The following PRKN variants were observed in gnomAD, a reference collection of about 807,000 sequenced individuals.
PRKN encodes E3 ubiquitin-protein ligase parkin.
A neutral mutation model predicts 59.5 loss-of-function variants in PRKN; 56 were observed. That is an observed-to-expected ratio of 0.94 (90% CI 0.76 to 1.18). PRKN has a LOEUF of 1.18. Ranked by LOEUF, PRKN falls within the 50% of genes most tolerant of loss-of-function variation. The probability of loss-of-function intolerance (pLI) is 0.00; values close to 1 mark genes in which losing one functional copy is unlikely to be tolerated. For missense variants in PRKN, 657 were observed against 596.4 expected, an observed-to-expected ratio of 1.10 and a Z score of -1.06; for synonymous variants, 250 against 222.1, an observed-to-expected ratio of 1.13 and a Z score of -1.12.
chr6:161,871,418 T>C (rs9365333), intron 6 of PRKN, among the ~76,000 whole-genome samples: 47,313 of 152,004 alleles, frequency 0.31, 7,517 homozygotes, highest in East Asian at 0.38. Flanking sequence ...GTGTTACTAT[T>C]GCCTCAGCCA....
In PRKN at chr6:161,372,374, G is replaced by T. The variant is rs180890692; in HGVS notation, c.1168-12169C>A. Among the ~76,000 whole-genome samples the T allele has an allele frequency of 5.1e-4, 77 of 152,300 alleles. 1 individual carries two copies. The highest frequency in any genetic ancestry group is 1.7e-3 in the African/African-American group (70 of 41,568). ...TCATCACTAATAGGATGTGAGAGGG[G>T]TCAAAGCCGACCACAGAGCCTACCT... is the stretch of plus-strand genomic sequence containing the variant. On this transcript the variant is annotated intron_variant, in intron 10 of 11. Transcript: ENST00000366898. This position sits in a 1 kb window ranked among gnomAD's most constrained non-coding sequence, Gnocchi z 4.2.
rs11392809 is a variant in PRKN at position 162,285,266 on chromosome 6, ATTTTTT to A, written c.172-22507_172-22502del. 3.4e-3 allele frequency among the ~76,000 whole-genome samples: 326 copies of A among 95,926 alleles called. 2 individuals carry two copies. The highest frequency in any genetic ancestry group is 0.012 in the African/African-American group (311 of 24,948). The allele number at this position is 95,926 out of a possible 152,430, so 62.9% of individuals were successfully genotyped here. A position where few individuals can be genotyped will look rare whatever the true frequency, so the allele number is the denominator to read the frequency against. ...AGGGATCTTCACAGATATTTTGGAG[ATTTTTT>A]TTTTTTTTTTTTTTTTTTTCCGAGA... On this transcript the variant is annotated intron_variant, in intron 2 of 11. Coordinates refer to ENST00000366898, the MANE Select transcript of PRKN (RefSeq NM_004562.3).
intron 4 of PRKN, among the ~76,000 whole-genome samples, chr6:162,091,326 G>A (rs192877558): frequency 1.2e-3 from 179 of 152,252 alleles, no homozygotes; most frequent in African/African-American, 4.2e-3. Flanking sequence ...AAAAATGGAA[G>A]AAGATGGAAT....
Position 161,548,671 on chromosome 6 carries a change from A to T in PRKN, c.1083+183T>A, listed in dbSNP as rs574929111. ...CATATAACTGTTTTCACCAAAATAA[A>T]TACATAAATTTTCAAATCTGGAGTC... On this transcript the variant is annotated intron_variant, in intron 9 of 11. Coordinates refer to ENST00000366898, the MANE Select transcript of PRKN (RefSeq NM_004562.3). The surrounding 1 kb of genome is among the most constrained non-coding windows in gnomAD (Gnocchi z 4.2). The T allele has an allele frequency of 1.4e-5, 9 of 624,196 alleles. No individual in the cohort carries two copies. 38.7% of individuals were successfully genotyped at this position (624,196 alleles called of 1,614,324 possible).
At chr6:162,293,075 T>C (rs1781515371) in intron 2 of PRKN, among the ~76,000 whole-genome samples, 1 of 152,172 alleles carries the variant, frequency 6.6e-6, no homozygotes, top group Non-Finnish European at 1.5e-5. Flanking sequence ...GTAAGCCAGA[T>C]GTTTAGCATC....
At chr6:161,537,097 TA>T (rs138880938) in intron 9 of PRKN, among the ~76,000 whole-genome samples, 3,286 of 152,334 alleles carry the variant, frequency 0.022, 89 homozygotes, top group African/African-American at 0.062. Flanking sequence ...TGTCTTCACA[TA>T]AAAGAGTTTT....
intron 2 of PRKN, among the ~76,000 whole-genome samples, chr6:162,293,406 T>G (rs1329978280): frequency 6.6e-6 from 1 of 152,184 alleles, no homozygotes; most frequent in African/African-American, 2.4e-5. Flanking sequence ...AAACACAGAT[T>G]TGGAATTCTA....
At chr6:162,304,546 T>TCTA (rs1562655174) in intron 2 of PRKN, among the ~76,000 whole-genome samples, 1,360 of 116,240 alleles carry the variant, frequency 0.012, 39 homozygotes, top group African/African-American at 0.059. Context: ...TATCTATCTA[T>TCTA]TTATCCATCT....
chr6:162,644,034 C>T (rs1039118046), intron 1 of PRKN: 4 of 152,162 alleles, frequency 2.6e-5, no homozygotes, highest in African/African-American at 7.2e-5. Context: ...CAAGCACAGA[C>T]GGAAATTCTC....
chr6:162,397,804 A>T (rs1787549823), intron 2 of PRKN, among the ~76,000 whole-genome samples: 1 of 152,168 alleles, frequency 6.6e-6, no homozygotes, highest in Admixed American at 6.5e-5. Context: ...TGGGAGGCCA[A>T]GGTGGGTGGA....
At chr6:162,131,230 T>G (rs565840716) in intron 4 of PRKN, among the ~76,000 whole-genome samples, 1 of 152,250 alleles carries the variant, frequency 6.6e-6, no homozygotes, top group Admixed American at 6.5e-5. Context: ...GGAGATCACA[T>G]GATGACACCC....
At chr6:162,259,964 T>C (rs540804920) in intron 3 of PRKN, among the ~76,000 whole-genome samples, 21 of 152,314 alleles carry the variant, frequency 1.4e-4, no homozygotes, top group African/African-American at 4.8e-4. Context: ...GGATTACTTG[T>C]AGTTTAGCTG....
intron 9 of PRKN, among the ~76,000 whole-genome samples, chr6:161,523,116 T>C (rs1262044106): frequency 6.6e-6 from 1 of 152,040 alleles, no homozygotes; most frequent in Non-Finnish European, 1.5e-5. Flanking sequence ...TACTTTAATA[T>C]TAGTTTCTAT....
chr6:161,431,726 G>A (rs1257635682), intron 9 of PRKN, among the ~76,000 whole-genome samples: 3 of 151,612 alleles, frequency 2.0e-5, no homozygotes, highest in Admixed American at 2.0e-4. Flanking sequence ...GATTCTCCTG[G>A]CTCAGCCTCC....
chr6:161,894,022 C>G (rs936021646), intron 6 of PRKN, among the ~76,000 whole-genome samples: 4 of 152,138 alleles, frequency 2.6e-5, no homozygotes, highest in Admixed American at 6.5e-5. Context: ...TATTCCTATC[C>G]CCAGCTAAGT....
At position 161,488,375 on chromosome 6, in the gene PRKN, T is replaced by G. The variant is rs1777414975; in HGVS notation, c.1083+60479A>C. ...GTGTGAGAAGAACTCCAAATTTTAT[T>G]CTCCGGAGTGGAGCTGCTTAAACTG... On this transcript the variant is annotated intron_variant, in intron 9 of 11. Transcript: ENST00000366898. This position sits in a 1 kb window ranked among gnomAD's most constrained non-coding sequence, Gnocchi z 4.5. Among the ~76,000 whole-genome samples, 1 of 152,186 alleles carries G rather than the reference T, an allele frequency of 6.6e-6. No individual in the cohort carries two copies. Among genetic ancestry groups the G allele is most frequent in the African/African-American group, 2.4e-5 (1 of 41,450 alleles).
chr6:161,678,568 ATT>A (rs201640028), intron 7 of PRKN, among the ~76,000 whole-genome samples: 29 of 121,422 alleles, frequency 2.4e-4, no homozygotes, highest in East Asian at 9.2e-4. Context: ...TTGGTGCCTG[ATT>A]TTTTTTTTTT....
intron 6 of PRKN, among the ~76,000 whole-genome samples, chr6:161,842,490 G>A (rs1050256574): frequency 1.2e-4 from 18 of 150,566 alleles, no homozygotes; most frequent in Admixed American, 4.0e-4. Context: ...AAATAGCCAT[G>A]GGCAAGAGAG....
chr6:161,861,866 T>C (rs1793917481), intron 6 of PRKN, among the ~76,000 whole-genome samples: 1 of 152,194 alleles, frequency 6.6e-6, no homozygotes, highest in Non-Finnish European at 1.5e-5. Flanking sequence ...CTTCCTCAAC[T>C]AATGATCACA....
Sources: allele counts gnomAD v4.1 joint callset (sites outside exome capture counted in the v4.1 genomes callset), GRCh38; gene constraint gnomAD v4.1.1; non-coding constraint Gnocchi (gnomAD v3.1); transcripts MANE v1.5; gene names NCBI Gene and HGNC (gene_info 2026-07-23, HGNC 2026-07-21).